Variants in RORB observed in about 807,000 individuals in gnomAD.
RORB encodes nuclear receptor ROR-beta.
In RORB, 6 loss-of-function variants were observed where a neutral mutation model predicts 59.1. That is an observed-to-expected ratio of 0.10 (90% CI 0.06 to 0.20). The LOEUF is 0.20. Among genes scored for constraint, RORB ranks in the 10% least tolerant of loss-of-function variants. The probability of loss-of-function intolerance (pLI) is 1.00; values close to 1 mark genes in which losing one functional copy is unlikely to be tolerated. For missense variants in RORB, 320 were observed against 560.5 expected, an observed-to-expected ratio of 0.57 and a Z score of 4.33; for synonymous variants, 215 against 204.5, an observed-to-expected ratio of 1.05 and a Z score of -0.44.
intron 3 of RORB, among the ~76,000 whole-genome samples, chr9:74,637,633 A>T (rs769435057): frequency 1.3e-5 from 2 of 152,058 alleles, no homozygotes; most frequent in Non-Finnish European, 2.9e-5. Context: ...CTTCAGGATA[A>T]CTGTTTCCAA....
chr9:74,578,000 T>C (rs1319452275), intron 1 of RORB, among the ~76,000 whole-genome samples: 6 of 152,084 alleles, frequency 3.9e-5, no homozygotes, highest in Non-Finnish European at 7.4e-5. Flanking sequence ...CCTAACTGGA[T>C]AAAGTATTAA....
intron 1 of RORB, among the ~76,000 whole-genome samples, chr9:74,616,742 C>T (rs1478697445): frequency 6.6e-6 from 1 of 152,048 alleles, no homozygotes; most frequent in East Asian, 1.9e-4. Flanking sequence ...GTTTCTTTCT[C>T]CTCTGATTTT....
rs554788490 is a variant in RORB, at chr9:74,509,968, C to T, written c.7+11985C>T. The stretch of plus-strand genomic sequence containing the variant: ...GCATTTTGGCTGAAACATAATATTC[C>T]TTACATCAAGCTATCATTTATGCGG... On this transcript the variant is annotated intron_variant, in intron 1 of 9. Coordinates refer to ENST00000376896, the MANE Select transcript of RORB (RefSeq NM_006914.4). Among the ~76,000 whole-genome samples the T allele has an allele frequency of 3.6e-4, 55 of 152,214 alleles. 1 individual carries two copies. The South Asian group carries it at 0.011, about 32-fold the overall frequency.
rs183220744 is a variant in RORB at position 74,597,893 on chromosome 9, G to C, written c.8-32389G>C. Among the ~76,000 whole-genome samples, 967 of 152,192 alleles carry C rather than the reference G, an allele frequency of 6.4e-3. 9 individuals carry two copies. Among genetic ancestry groups the C allele is most frequent in the African/African-American group, 0.022 (911 of 41,526 alleles). On this transcript the variant is annotated intron_variant, in intron 1 of 9. Coordinates refer to ENST00000376896, the MANE Select transcript of RORB (RefSeq NM_006914.4). ...GAATCGCTTGAACCCGGGAGGCAGA[G>C]GTTGCGGTGAGCCGAGATCGCGCCA...
intron 1 of RORB, among the ~76,000 whole-genome samples, chr9:74,627,738 G>C (rs1375638234): frequency 6.6e-6 from 1 of 151,870 alleles, no homozygotes; most frequent in African/African-American, 2.4e-5. Context: ...ATGGATAACT[G>C]AGATTTTTAG....
intron 1 of RORB, among the ~76,000 whole-genome samples, chr9:74,602,392 T>C (rs965509399): frequency 6.6e-6 from 1 of 152,252 alleles, no homozygotes; most frequent in African/African-American, 2.4e-5. Context: ...GCATGCATGA[T>C]ACCTTTTGGC....
chr9:74,623,924 C>CA (rs2118395128), intron 1 of RORB, among the ~76,000 whole-genome samples: 1 of 152,270 alleles, frequency 6.6e-6, no homozygotes, highest in African/African-American at 2.4e-5. Context: ...ACTTTGTTTA[C>CA]AAGGGGAATA....
Position 74,497,545 on chromosome 9 carries a change from ACTCCTCCTCCTGCTGCTGCCCTTC to A in RORB, c.-420_-397del, listed in dbSNP as rs1188723857. 1.9e-5 allele frequency: 4 copies of A among 205,394 alleles called. No individual in the cohort carries two copies. The East Asian group carries it at 4.3e-4, about 22-fold the overall frequency. 12.7% of individuals were successfully genotyped at this position (205,394 alleles called of 1,614,324 possible). A position where few individuals can be genotyped will look rare whatever the true frequency, so the allele number is the denominator to read the frequency against. On this transcript the variant is annotated 5_prime_UTR_variant, in exon 1 of 10. Transcript: ENST00000376896. ...TTTGTAACTAACAAAACCACCACCA[ACTCCTCCTCCTGCTGCTGCCCTTC>A]CTCCTCCTCCTCAGTCCAAGTGATC...
At chr9:74,519,180 C>T (rs1245435369) in intron 1 of RORB, among the ~76,000 whole-genome samples, 3 of 151,998 alleles carry the variant, frequency 2.0e-5, no homozygotes, top group Admixed American at 2.0e-4. Flanking sequence ...TCCATCCCCT[C>T]TTGATAAAGT....
chr9:74,572,295 A>G (rs1822565810), intron 1 of RORB, among the ~76,000 whole-genome samples: 1 of 152,146 alleles, frequency 6.6e-6, no homozygotes, highest in Non-Finnish European at 1.5e-5. Flanking sequence ...AAAAAATATT[A>G]TGGTCAGTTA....
chr9:74,622,511 C>A (rs1012125083), intron 1 of RORB, among the ~76,000 whole-genome samples: 4 of 142,328 alleles, frequency 2.8e-5, no homozygotes, highest in African/African-American at 1.0e-4. Context: ...GATGCTGTTA[C>A]AACCCAGATT....
chr9:74,682,414 C>A lies in RORB; in HGVS notation c.1225-3049C>A, dbSNP rs549232842. 7.2e-4 allele frequency among the ~76,000 whole-genome samples: 110 copies of A among 151,780 alleles called. 2 individuals are homozygous for A. In the South Asian group the frequency reaches 0.022, roughly 31 times the overall value. On this transcript the variant is annotated intron_variant, in intron 9 of 9. Transcript: ENST00000376896. ...TAACCTGCACGTTGTGCACATGTAC[C>A]CTAAAACTTAAAGTATAATAAAAAA...
intron 1 of RORB, among the ~76,000 whole-genome samples, chr9:74,521,787 T>C (rs1291065375): frequency 1.3e-5 from 2 of 151,826 alleles, no homozygotes; most frequent in Admixed American, 1.3e-4. Context: ...GAGTGTCTGT[T>C]AAATGAAAGC....
At chr9:74,538,728 C>CAAAA (rs36123845) in intron 1 of RORB, among the ~76,000 whole-genome samples, 3 of 143,550 alleles carry the variant, frequency 2.1e-5, no homozygotes, top group African/African-American at 5.2e-5. Flanking sequence ...GACAAAGATG[C>CAAAA]AAAAAAAAAA....
chr9:74,679,973 CGCATCTGTAGTCCCA>C (rs1005067508), intron 9 of RORB, among the ~76,000 whole-genome samples: 6 of 151,976 alleles, frequency 3.9e-5, no homozygotes, highest in African/African-American at 1.4e-4. Flanking sequence ...CATGGTGGTG[CGCATCTGTAGTCCCA>C]GCTACTCGGG....
At chr9:74,679,031 C>CAAA (rs34377456) in intron 9 of RORB, among the ~76,000 whole-genome samples, 1 of 105,546 alleles carries the variant, frequency 9.5e-6, no homozygotes. Context: ...GACTCTGTCT[C>CAAA]AAAAAAAAAA....
chr9:74,657,818 A>C (rs568617953), intron 4 of RORB, among the ~76,000 whole-genome samples: 59 of 152,162 alleles, frequency 3.9e-4, no homozygotes, highest in African/African-American at 1.2e-3. Flanking sequence ...CAGCCTGGCC[A>C]AGGTGAGGAA....
intron 1 of RORB, among the ~76,000 whole-genome samples, chr9:74,579,009 G>C (rs1418665592): frequency 6.6e-6 from 1 of 152,114 alleles, no homozygotes; most frequent in African/African-American, 2.4e-5. Context: ...GTAGATGAAT[G>C]TCTCTTCCCA....
intron 1 of RORB, among the ~76,000 whole-genome samples, chr9:74,533,921 C>G (rs572040563): frequency 1.3e-5 from 2 of 152,034 alleles, no homozygotes; most frequent in African/African-American, 4.8e-5. Context: ...AAGAAGGACG[C>G]TGTACTGTTG....
Sources: allele counts gnomAD v4.1 joint callset (sites outside exome capture counted in the v4.1 genomes callset), GRCh38; gene constraint gnomAD v4.1.1; transcripts MANE v1.5; gene names NCBI Gene and HGNC (gene_info 2026-07-23, HGNC 2026-07-21).